Variants in ITGA3 observed in about 807,000 individuals in gnomAD.
ITGA3 encodes the protein integrin alpha-3.
ITGA3 carries 70 observed loss-of-function variants against 131.1 expected under a neutral mutation model. The observed-to-expected ratio is 0.53, with a 90% CI of 0.44 to 0.65. The LOEUF is 0.65. ITGA3 is among the 30% of genes least tolerant of loss of function. ITGA3 has a pLI of 0.00. For synonymous variants in ITGA3, 537 were observed against 571.6 expected (o/e 0.94, Z 0.86); for missense variants, 1,098 against 1,388.6 (o/e 0.79, Z 3.33).
chr17:50,058,328 A>G (rs1293112483), intron 1 of ITGA3, among the ~76,000 whole-genome samples: 4 of 152,202 alleles, frequency 2.6e-5, no homozygotes, highest in Non-Finnish European at 5.9e-5. Context: ...TCTGTTACCA[A>G]TACCTGAACC....
chr17:50,089,219 A>G lies in ITGA3; in HGVS notation c.*141A>G. On this transcript the variant is annotated 3_prime_UTR_variant, in exon 26 of 26. Transcript: ENST00000320031. Reference sequence around the variant, plus strand: ...CCTCCAGGGAGCACCCTGCCCACCAAGAAGCACTGGGTGACCAGCTGGCAG... The same window carrying G: ...CCTCCAGGGAGCACCCTGCCCACCAGGAAGCACTGGGTGACCAGCTGGCAG... 6.2e-6 allele frequency: 10 copies of G among 1,613,782 alleles called. No individual in the cohort carries two copies. The highest frequency in any genetic ancestry group is 8.5e-6 in the Non-Finnish European group (10 of 1,179,954).
intron 5 of ITGA3, 87 bp from the exon 6 acceptor site, chr17:50,071,224 G>T: frequency 8.5e-7 from 1 of 1,176,544 alleles, no homozygotes; most frequent in Non-Finnish European, 1.2e-6. Context: ...ATGGTGGGGG[G>T]CAAGAGAGGG....
chr17:50,089,284 C>T lies in ITGA3; in HGVS notation c.*206C>T, dbSNP rs776598172. ...CTACTGACGTCCTCCCTGATCCCAC[C>T]CCCTCCTCCCCCAGTGTCCCCTTTC... is the stretch of plus-strand genomic sequence containing the variant. On this transcript the variant is annotated 3_prime_UTR_variant, in exon 26 of 26. Transcript: ENST00000320031. The T allele has an allele frequency of 3.1e-6, 5 of 1,604,428 alleles. No individual in the cohort carries two copies. The highest frequency in any genetic ancestry group is 1.7e-4 in the Middle Eastern group (1 of 5,890).
intron 1 of ITGA3, among the ~76,000 whole-genome samples, chr17:50,057,443 G>T (rs1907881889): frequency 6.6e-6 from 1 of 152,360 alleles, no homozygotes; most frequent in African/African-American, 2.4e-5. Context: ...GAGGGGAAGA[G>T]CTATGCACAG....
At chr17:50,087,618 A>G in intron 23 of ITGA3, 126 bp from the exon 24 acceptor site, 1 of 1,076,924 alleles carries the variant, frequency 9.3e-7, no homozygotes, top group Admixed American at 2.0e-5. Flanking sequence ...GGCTTTTTCC[A>G]GTCCCAGGCT....
chr17:50,069,846 A>ACTCCCTCCATCTCTTTGC (rs1324958731), intron 4 of ITGA3, among the ~76,000 whole-genome samples: 1 of 152,016 alleles, frequency 6.6e-6, no homozygotes, highest in Non-Finnish European at 1.5e-5. Context: ...GACAGCTTAT[A>ACTCCCTCCATCTCTTTGC]CTCCCTCCAT....
rs138021787 is a variant in ITGA3 at position 50,075,669 on chromosome 17, C to T, written c.1608C>T (p.Ser536=). 40 of 1,614,174 alleles carry T rather than the reference C, an allele frequency of 2.5e-5. No individual in the cohort carries two copies. Among genetic ancestry groups the T allele is most frequent in the Admixed American group, 8.3e-5 (5 of 60,028 alleles). ...PPRLRFAGSE[S]AVFHGFFSMP... ...GGCTCCGCTTTGCCGGCAGTGAGTC[C>T]GCTGTCTTCCACGGCTTCTTCTCCA... is the stretch of plus-strand genomic sequence containing the variant. Residue 536 remains serine (S), a synonymous_variant, in exon 12 of 26, where the codon TCC becomes TCT. Coordinates refer to ENST00000320031, the MANE Select transcript of ITGA3 (RefSeq NM_002204.4).
chr17:50,056,505 G>C lies in ITGA3; in HGVS notation c.66G>C (p.Met22Ile). The change falls in exon 1 of 26, where the codon ATG becomes ATC. Residue 22 changes from methionine to isoleucine, a missense_variant. Physicochemically the swap from Met to Ile is conservative, Grantham distance 10. Around this residue, in one of 3 missense-constraint regions of ITGA3, gnomAD observed 356 missense variants for 529.2 expected, o/e 0.67. Transcript: ENST00000320031. This position sits in a 1 kb window ranked among gnomAD's most constrained non-coding sequence, Gnocchi z 5.6. ...TGATGCTCTGTGCGCTCGCCTTGAT[G>C]GTGGCGGCCGGCGGCTGCGTCGTCT... ...PRLMLCALALMVAAGGCVVSA... is the reference protein window; with the variant it reads ...PRLMLCALALIVAAGGCVVSA... 2 of 1,550,210 alleles carry C rather than the reference G, an allele frequency of 1.3e-6. No homozygotes were observed. The highest frequency in any genetic ancestry group is 1.7e-6 in the Non-Finnish European group (2 of 1,147,082).
At position 50,074,202 on chromosome 17, in the gene ITGA3, G is replaced by C. The variant is rs1004901363; in HGVS notation, c.1304G>C (p.Ser435Thr). ...PGLATFGYSL[S>T]GQMDVDENFY... ...TTGGCCACCTTCGGCTATTCCCTCA[G>C]TGGGCAGATGGATGTGGATGAGAAC... Residue 435 changes from serine (S) to threonine (T), a missense_variant, in exon 9 of 26, where the codon AGT becomes ACT. Physicochemically the swap from Ser to Thr is moderately conservative, Grantham distance 58. Transcript: ENST00000320031. 4.3e-6 allele frequency: 7 copies of C among 1,614,116 alleles called. No homozygotes were observed. Among genetic ancestry groups the C allele is most frequent in the African/African-American group, 1.3e-5 (1 of 74,942 alleles).
Position 50,089,621 on chromosome 17 carries a change from G to A in ITGA3, c.*543G>A, listed in dbSNP as rs1909624516. Reference sequence around the variant, plus strand: ...AAAGAGCCTCCCACCAGAGCCGGGAGGAAAAGGCCCCTGCAATGTGGTGAC... The same window carrying A: ...AAAGAGCCTCCCACCAGAGCCGGGAAGAAAAGGCCCCTGCAATGTGGTGAC... On this transcript the variant is annotated 3_prime_UTR_variant, in exon 26 of 26. Transcript: ENST00000320031. The A allele has an allele frequency of 4.3e-6, 1 of 233,826 alleles. No homozygotes were observed. The highest frequency in any genetic ancestry group is 9.1e-5 in the South Asian group (1 of 10,960). The allele number at this position is 233,826 out of a possible 1,614,324, so 14.5% of individuals were successfully genotyped here. A position where few individuals can be genotyped will look rare whatever the true frequency, so the allele number is the denominator to read the frequency against.
At chr17:50,086,792 C>T (rs1239875309) in intron 23 of ITGA3, 6 of 151,610 alleles carry the variant, frequency 4.0e-5, no homozygotes, top group Admixed American at 3.9e-4. Flanking sequence ...GTGGCTCACG[C>T]CTGTAATCCC....
At position 50,056,492 on chromosome 17, in the gene ITGA3, C is replaced by A. The variant is rs778533113; in HGVS notation, c.53C>A (p.Ala18Glu). 6.5e-7 allele frequency: 1 copy of A among 1,549,658 alleles called. No homozygotes were observed. The highest frequency in any genetic ancestry group is 8.7e-7 in the Non-Finnish European group (1 of 1,146,844). The change falls in exon 1 of 26, where the codon GCG becomes GAG. Residue 18 changes from alanine (A) to glutamate (E), a missense_variant. Ala to Glu is a moderately radical substitution (Grantham distance 107). Around this residue, in one of 3 missense-constraint regions of ITGA3, gnomAD observed 43 missense variants for 30.3 expected, o/e 1.42. Coordinates refer to ENST00000320031, the MANE Select transcript of ITGA3 (RefSeq NM_002204.4). The surrounding 1 kb of genome is among the most constrained non-coding windows in gnomAD (Gnocchi z 5.6). ...APRAPRLMLC[A>E]LALMVAAGGC... ...CGCGCCCCACGCCTGATGCTCTGTG[C>A]GCTCGCCTTGATGGTGGCGGCCGGC...
intron 1 of ITGA3, among the ~76,000 whole-genome samples, chr17:50,060,959 G>A (rs1341464673): frequency 2.6e-5 from 4 of 152,086 alleles, no homozygotes; most frequent in East Asian, 1.9e-4. Context: ...AACCCCCTCC[G>A]CACACACCTG....
intron 23 of ITGA3, among the ~76,000 whole-genome samples, chr17:50,083,217 C>A (rs912498619): frequency 1.3e-5 from 2 of 152,048 alleles, no homozygotes; most frequent in African/African-American, 2.4e-5. Context: ...AAAGACAAAC[C>A]TCTACTTCAC....
Position 50,068,349 on chromosome 17 carries a change from C to G in ITGA3, c.664+44C>G, listed in dbSNP as rs189511098. On this transcript the variant is annotated intron_variant, in intron 4 of 25. Transcript: ENST00000320031. Reference sequence around the variant, plus strand: ...TGGGGGAAGAAAGGAAGAGCAGAGACCACCCACCCCTAGTTAGCCACGGGG... The same window carrying G: ...TGGGGGAAGAAAGGAAGAGCAGAGAGCACCCACCCCTAGTTAGCCACGGGG... 8 of 1,599,892 alleles carry G rather than the reference C, an allele frequency of 5.0e-6. No individual in the cohort carries two copies. The East Asian group carries it at 1.8e-4, about 36-fold the overall frequency.
chr17:50,079,397 C>T lies in ITGA3; in HGVS notation c.2584-38C>T, dbSNP rs376943182. 62 of 1,547,666 alleles carry T rather than the reference C, an allele frequency of 4.0e-5. No individual in the cohort carries two copies. In the African/African-American group the frequency reaches 7.3e-4, roughly 18 times the overall value. On this transcript the variant is annotated intron_variant, in intron 20 of 25. Transcript: ENST00000320031. ...TCCTGCAACCCTGCTCCCAATTCTT[C>T]CTCTGCCCTGCCAGCAAATCTCCTA...
At chr17:50,071,926 G>T in intron 6 of ITGA3, 60 bp from the exon 7 acceptor site, 1 of 1,471,992 alleles carries the variant, frequency 6.8e-7, no homozygotes, top group South Asian at 1.2e-5. Flanking sequence ...TGTCAAACAA[G>T]AACTATGCTG....
Position 50,056,429 on chromosome 17 carries a change from C to G in ITGA3, c.-11C>G, listed in dbSNP as rs1483604775. On this transcript the variant is annotated 5_prime_UTR_variant, in exon 1 of 26. Transcript: ENST00000320031. The surrounding 1 kb of genome is among the most constrained non-coding windows in gnomAD (Gnocchi z 5.6). ...CGCGCTCTCGCCGGGACCCCGCTTC[C>G]GCTGGCAGCCATGGGCCCCGGCCCC... 1.4e-6 allele frequency: 2 copies of G among 1,475,284 alleles called. No individual in the cohort carries two copies. The highest frequency in any genetic ancestry group is 5.2e-5 in the Admixed American group (2 of 38,414). 91.4% of individuals were successfully genotyped at this position (1,475,284 alleles called of 1,614,324 possible). A position where few individuals can be genotyped will look rare whatever the true frequency, so the allele number is the denominator to read the frequency against.
At chr17:50,081,251 G>T in intron 22 of ITGA3, 59 bp from the exon 23 acceptor site, 1 of 1,100,586 alleles carries the variant, frequency 9.1e-7, no homozygotes, top group Middle Eastern at 2.3e-4. Flanking sequence ...GCTTAGGGTC[G>T]GAGGTAGGCT....
Sources: allele counts gnomAD v4.1 joint callset (sites outside exome capture counted in the v4.1 genomes callset), GRCh38; gene constraint gnomAD v4.1.1; regional missense constraint gnomAD v4.1.1; non-coding constraint Gnocchi (gnomAD v3.1); transcripts MANE v1.5; gene names NCBI Gene and HGNC (gene_info 2026-07-23, HGNC 2026-07-21).